The following EDIL3 variants were observed in gnomAD, a reference collection of about 807,000 sequenced individuals.
EDIL3 encodes the protein EGF like and discoidin domains 3, also known as EGF-like repeat and discoidin I-like domain-containing protein 3.
In EDIL3, 37 loss-of-function variants were observed where a neutral mutation model predicts 67.4. That is an observed-to-expected ratio of 0.55 (90% CI 0.42 to 0.72). EDIL3 has a LOEUF of 0.72. Ranked by LOEUF, EDIL3 falls within the 30% of genes least tolerant of loss-of-function variation. EDIL3 has a pLI of 0.00. For synonymous variants in EDIL3, 195 were observed against 196.3 expected, an observed-to-expected ratio of 0.99 and a Z score of 0.05; for missense variants, 527 against 586.3, an observed-to-expected ratio of 0.90 and a Z score of 1.04.
At chr5:84,291,784 G>GATATATACACACACAT (rs771766969) in intron 1 of EDIL3, among the ~76,000 whole-genome samples, 20 of 142,508 alleles carry the variant, frequency 1.4e-4, no homozygotes, top group East Asian at 6.2e-4. Context: ...ATCATATACA[G>GATATATACACACACAT]ATATATACAC....
intron 1 of EDIL3, among the ~76,000 whole-genome samples, chr5:84,382,714 T>C (rs1311649189): frequency 6.6e-6 from 1 of 152,178 alleles, no homozygotes; most frequent in Non-Finnish European, 1.5e-5. Flanking sequence ...CTCTTTTTTA[T>C]ATCGCTGGAG....
rs192086949 is a variant in EDIL3, at chr5:84,139,747, G to A, written c.356-2393C>T. On this transcript the variant is annotated intron_variant, in intron 4 of 10. Coordinates refer to ENST00000296591, the MANE Select transcript of EDIL3 (RefSeq NM_005711.5). ...TAGAGAGAGGAAACTAAGTGGTCAT[G>A]TCTGAAGGACCCACATAAGCAAAAG... 4.3e-3 allele frequency among the ~76,000 whole-genome samples: 661 copies of A among 152,266 alleles called. 2 individuals carry two copies. Among genetic ancestry groups the A allele is most frequent in the Non-Finnish European group, 6.6e-3 (450 of 68,008 alleles).
At chr5:84,114,148 GTT>G (rs918208407) in intron 5 of EDIL3, among the ~76,000 whole-genome samples, 2,749 of 109,702 alleles carry the variant, frequency 0.025, 94 homozygotes, top group African/African-American at 0.095. Context: ...GAACCCTAAA[GTT>G]TTTTTTTTTT....
At chr5:84,154,693 CTTTT>C (rs397881707) in intron 4 of EDIL3, among the ~76,000 whole-genome samples, 3 of 92,290 alleles carry the variant, frequency 3.3e-5, no homozygotes, top group Non-Finnish European at 6.0e-5. Flanking sequence ...TCTGCTTCTG[CTTTT>C]TTTTTTTTTT....
At chr5:84,177,544 T>G (rs1375095483) in intron 4 of EDIL3, among the ~76,000 whole-genome samples, 2 of 152,162 alleles carry the variant, frequency 1.3e-5, no homozygotes, top group African/African-American at 4.8e-5. Context: ...CCCACAGAAC[T>G]ATACAATACA....
chr5:84,277,156 T>C (rs927374158), intron 1 of EDIL3, among the ~76,000 whole-genome samples: 11 of 152,146 alleles, frequency 7.2e-5, no homozygotes, highest in Non-Finnish European at 1.3e-4. Context: ...GAATGGAATG[T>C]TTACATCCCC....
intron 2 of EDIL3, among the ~76,000 whole-genome samples, chr5:84,239,509 T>C (rs1350549317): frequency 6.6e-6 from 1 of 152,188 alleles, no homozygotes. Flanking sequence ...TACATATGTA[T>C]ACATGTGCCA....
At chr5:83,957,534 T>A (rs1182505808) in intron 10 of EDIL3, among the ~76,000 whole-genome samples, 1 of 151,740 alleles carries the variant, frequency 6.6e-6, no homozygotes, top group Non-Finnish European at 1.5e-5. Context: ...CTGTAATTAC[T>A]GTTGAATTTG....
intron 9 of EDIL3, among the ~76,000 whole-genome samples, chr5:84,050,586 G>C (rs1746316869): frequency 6.6e-6 from 1 of 152,192 alleles, no homozygotes; most frequent in African/African-American, 2.4e-5. Context: ...GTGACAGACG[G>C]CACCTGGAAA....
chr5:84,053,880 C>A (rs1234147229), intron 9 of EDIL3, among the ~76,000 whole-genome samples: 1 of 152,064 alleles, frequency 6.6e-6, no homozygotes, highest in Non-Finnish European at 1.5e-5. Flanking sequence ...ACCAGAGGTA[C>A]AAGGAGGAGA....
rs142223156 is a variant in EDIL3, at chr5:84,238,835, G to A, written c.197-8951C>T. 5.3e-3 allele frequency among the ~76,000 whole-genome samples: 812 copies of A among 151,940 alleles called. 6 individuals are homozygous for A. The highest frequency in any genetic ancestry group is 0.018 in the African/African-American group (733 of 41,454). On this transcript the variant is annotated intron_variant, in intron 2 of 10. Transcript: ENST00000296591. ...TGGGATGTCTTTAAAGAACTCAACT[G>A]ATAAAAAAGTAGACAGGCCTAACTT... is the stretch of plus-strand genomic sequence containing the variant.
intron 2 of EDIL3, among the ~76,000 whole-genome samples, chr5:84,241,459 T>G (rs1018291356): frequency 6.6e-6 from 1 of 152,148 alleles, no homozygotes; most frequent in Non-Finnish European, 1.5e-5. Context: ...ATTCATAACT[T>G]ATTTGCTCTA....
In EDIL3 at chr5:84,083,943, G is replaced by C. The variant is rs377752113; in HGVS notation, c.652-17337C>G. Among the ~76,000 whole-genome samples, 5 of 152,142 alleles carry C rather than the reference G, an allele frequency of 3.3e-5. No individual in the cohort carries two copies. In the South Asian group the frequency reaches 8.3e-4, roughly 25 times the overall value. Reference sequence around the variant, plus strand: ...TTATATTAACCCTAAAAAATAAATTGGATGATTCTGGTCTTCAGTATGGTA... The same window carrying C: ...TTATATTAACCCTAAAAAATAAATTCGATGATTCTGGTCTTCAGTATGGTA... On this transcript the variant is annotated intron_variant, in intron 6 of 10. Transcript: ENST00000296591.
chr5:84,061,408 G>C (rs1430337607), intron 8 of EDIL3, among the ~76,000 whole-genome samples: 1 of 152,050 alleles, frequency 6.6e-6, no homozygotes, highest in Non-Finnish European at 1.5e-5. Context: ...TACAATTTTT[G>C]TAATAGAAAG....
chr5:84,235,342 T>C (rs187454861), intron 2 of EDIL3, among the ~76,000 whole-genome samples: 3 of 152,246 alleles, frequency 2.0e-5, no homozygotes, highest in East Asian at 1.9e-4. Context: ...AGGCACAGCA[T>C]TGGATTTGCA....
intron 5 of EDIL3, among the ~76,000 whole-genome samples, chr5:84,136,479 TTTC>T (rs1748095784): frequency 2.0e-5 from 3 of 152,150 alleles, no homozygotes; most frequent in Non-Finnish European, 4.4e-5. Flanking sequence ...CAGCTTTTTT[TTTC>T]TTTTTTAGGT....
intron 1 of EDIL3, 83 bp from the exon 2 acceptor site, chr5:84,254,295 T>C: frequency 7.0e-7 from 1 of 1,435,050 alleles, no homozygotes; most frequent in East Asian, 2.4e-5. Flanking sequence ...GCTATGGATG[T>C]TCCCTTGGCA....
At chr5:83,971,274 T>C (rs1410413877) in intron 9 of EDIL3, among the ~76,000 whole-genome samples, 1 of 151,156 alleles carries the variant, frequency 6.6e-6, no homozygotes, top group African/African-American at 2.4e-5. Context: ...AAATATCCTT[T>C]TTTCTTTTTT....
intron 9 of EDIL3, among the ~76,000 whole-genome samples, chr5:84,037,108 C>G (rs1746036189): frequency 6.6e-6 from 1 of 152,070 alleles, no homozygotes. Flanking sequence ...AAGGTATGCC[C>G]CAGCATCACT....
Sources: allele counts gnomAD v4.1 joint callset (sites outside exome capture counted in the v4.1 genomes callset), GRCh38; gene constraint gnomAD v4.1.1; transcripts MANE v1.5; gene names NCBI Gene and HGNC (gene_info 2026-07-23, HGNC 2026-07-21).